HDAC9: variants seen among roughly 807,000 people sequenced by gnomAD.
HDAC9 encodes histone deacetylase 9, also known as MEF-2 interacting transcription repressor (MITR) protein.
HDAC9 carries 41 observed loss-of-function variants against 139.4 expected under a neutral mutation model. The ratio of observed to expected loss-of-function variants is 0.29; its 90% CI spans 0.23 to 0.38. The LOEUF (loss-of-function observed/expected upper bound fraction) is 0.38. Among genes scored for constraint, HDAC9 ranks in the 10% least tolerant of loss-of-function variants. The pLI is 1.00. For missense variants in HDAC9, 1,147 were observed against 1,297.0 expected (o/e 0.88, Z 1.78); for synonymous variants, 517 against 476.2 (o/e 1.09, Z -1.12).
chr7:18,623,381 C>T (rs1840750449), intron 6 of HDAC9, among the ~76,000 whole-genome samples: 1 of 152,170 alleles, frequency 6.6e-6, no homozygotes, highest in Non-Finnish European at 1.5e-5. Flanking sequence ...AAACATTACA[C>T]TAGGCAAAGG....
intron 1 of HDAC9, among the ~76,000 whole-genome samples, chr7:18,348,135 T>G (rs1368539274): frequency 1.3e-5 from 2 of 152,156 alleles, no homozygotes; most frequent in Admixed American, 6.5e-5. Context: ...CACAAAATAT[T>G]TTGGGTCCTG....
chr7:18,110,382 C>T (rs1540882), intron 1 of HDAC9, among the ~76,000 whole-genome samples: 83,584 of 151,988 alleles, frequency 0.55, 25,601 homozygotes, highest in Non-Finnish European at 0.68. Context: ...GAGGGGTCTT[C>T]CATAGGGGTC....
chr7:18,861,057 C>G (rs566730405), intron 21 of HDAC9, among the ~76,000 whole-genome samples: 1 of 152,192 alleles, frequency 6.6e-6, no homozygotes, highest in East Asian at 1.9e-4. Context: ...CATAACAGCC[C>G]CTTTATGTTA....
intron 14 of HDAC9, among the ~76,000 whole-genome samples, chr7:18,759,936 T>TA (rs1453767490): frequency 6.6e-6 from 1 of 152,124 alleles, no homozygotes; most frequent in South Asian, 2.1e-4. Flanking sequence ...ATACCGGAAG[T>TA]AAAAATTTAA....
At chr7:18,704,124 G>A (rs1178108) in intron 12 of HDAC9, among the ~76,000 whole-genome samples, 23,545 of 152,170 alleles carry the variant, frequency 0.15, 2,173 homozygotes, top group East Asian at 0.27. Flanking sequence ...GCCCACAAAT[G>A]TTCTTGGTAT....
At chr7:18,300,073 T>C (rs1317512624) in intron 1 of HDAC9, among the ~76,000 whole-genome samples, 1 of 152,198 alleles carries the variant, frequency 6.6e-6, no homozygotes, top group African/African-American at 2.4e-5. Context: ...GCAGCCTCTC[T>C]CTAGATCAAG....
intron 22 of HDAC9, among the ~76,000 whole-genome samples, chr7:18,928,279 A>G (rs1245577187): frequency 6.6e-6 from 1 of 152,184 alleles, no homozygotes; most frequent in Non-Finnish European, 1.5e-5. Flanking sequence ...CATTTCTCTG[A>G]GCTTCTATCA....
chr7:18,924,041 T>C (rs776853117), intron 22 of HDAC9, among the ~76,000 whole-genome samples: 1 of 152,014 alleles, frequency 6.6e-6, no homozygotes, highest in Middle Eastern at 3.4e-3. Context: ...GGTTGAATCA[T>C]GGCATTTGTA....
chr7:18,957,818 G>C (rs1783262052), intron 24 of HDAC9, among the ~76,000 whole-genome samples: 1 of 152,122 alleles, frequency 6.6e-6, no homozygotes, highest in Non-Finnish European at 1.5e-5. Context: ...GGGGTGTTCA[G>C]ATTTCAGCCC....
intron 24 of HDAC9, among the ~76,000 whole-genome samples, chr7:18,974,801 G>A (rs999670174): frequency 3.3e-5 from 5 of 152,170 alleles, no homozygotes; most frequent in Non-Finnish European, 7.3e-5. Context: ...ATAAAGTCCT[G>A]AAAAGCCTCA....
At chr7:18,615,487 T>A (rs1838323285) in intron 6 of HDAC9, among the ~76,000 whole-genome samples, 1 of 152,352 alleles carries the variant, frequency 6.6e-6, no homozygotes, top group African/African-American at 2.4e-5. Context: ...TATATACTTA[T>A]ACCCTATGGA....
intron 17 of HDAC9, among the ~76,000 whole-genome samples, chr7:18,805,347 T>C (rs1363681556): frequency 6.6e-6 from 1 of 152,152 alleles, no homozygotes. Context: ...GCCTGATAAA[T>C]GTGTCAGGAG....
intron 1 of HDAC9, among the ~76,000 whole-genome samples, chr7:18,362,794 C>G (rs1184406932): frequency 6.6e-6 from 1 of 152,024 alleles, no homozygotes; most frequent in Non-Finnish European, 1.5e-5. Flanking sequence ...ATTCATGAGT[C>G]TCATATTTGA....
chr7:18,683,120 C>CA (rs1363825499), intron 12 of HDAC9, among the ~76,000 whole-genome samples: 2 of 151,276 alleles, frequency 1.3e-5, no homozygotes, highest in Non-Finnish European at 3.0e-5. Context: ...CTTTTTTTTA[C>CA]AAAAAACGAA....
At chr7:18,844,528 T>C (rs1307871566) in intron 21 of HDAC9, among the ~76,000 whole-genome samples, 12 of 152,192 alleles carry the variant, frequency 7.9e-5, no homozygotes. Context: ...TAAAGAAACA[T>C]ATTGTTGCAC....
chr7:18,555,988 A>G (rs941862777), intron 2 of HDAC9, among the ~76,000 whole-genome samples: 1 of 151,932 alleles, frequency 6.6e-6, no homozygotes, highest in Non-Finnish European at 1.5e-5. Flanking sequence ...TACATGGTAA[A>G]ATCTTGGGAT....
At chr7:18,729,367 G>T (rs1389278798) in intron 13 of HDAC9, among the ~76,000 whole-genome samples, 1 of 151,966 alleles carries the variant, frequency 6.6e-6, no homozygotes, top group South Asian at 2.1e-4. Context: ...CTGTTGATGT[G>T]CCCAAGTTTG....
chr7:18,698,909 C>G (rs1293357670), intron 12 of HDAC9, among the ~76,000 whole-genome samples: 6 of 152,294 alleles, frequency 3.9e-5, no homozygotes, highest in African/African-American at 1.4e-4. Flanking sequence ...CTGTCATGTT[C>G]TAAGCATGAA....
chr7:18,163,438 A>G (rs1262205349), intron 2 of HDAC9, among the ~76,000 whole-genome samples: 1 of 152,204 alleles, frequency 6.6e-6, no homozygotes, highest in African/African-American at 2.4e-5. Flanking sequence ...ATGCATTGAC[A>G]TCACTCGGAG....
Sources: gnomAD v4.1 joint callset for allele counts (sites outside exome capture counted in the v4.1 genomes callset) on GRCh38, gnomAD v4.1.1 for gene constraint, MANE v1.5 for transcripts, NCBI Gene and HGNC (gene_info 2026-07-23, HGNC 2026-07-21) for gene names.